KIAA0825: variants seen among roughly 807,000 people sequenced by gnomAD.
KIAA0825 encodes uncharacterized protein KIAA0825.
In KIAA0825, 119 loss-of-function variants were observed where a neutral mutation model predicts 147.6. The observed-to-expected ratio is 0.81, with a 90% CI of 0.69 to 0.94. The LOEUF (loss-of-function observed/expected upper bound fraction) is 0.94. Ranked by LOEUF, KIAA0825 falls within the 40% of genes least tolerant of loss-of-function variation. The pLI, the probability that KIAA0825 is intolerant of heterozygous loss-of-function variation, is 0.00. For synonymous variants in KIAA0825, 470 were observed against 518.1 expected (o/e 0.91, Z 1.26); for missense variants, 1,381 against 1,472.7 (o/e 0.94, Z 1.02).
chr5:94,178,911 C>T (rs971224057), intron 20 of KIAA0825, among the ~76,000 whole-genome samples: 11 of 151,942 alleles, frequency 7.2e-5, no homozygotes, highest in African/African-American at 4.8e-5. Flanking sequence ...ATCCAGATAT[C>T]CTTAAGTGAT....
intron 14 of KIAA0825, among the ~76,000 whole-genome samples, chr5:94,431,030 T>A (rs1755595052): frequency 6.6e-6 from 1 of 152,176 alleles, no homozygotes; most frequent in Admixed American, 6.5e-5. Context: ...TTTAAATGTA[T>A]GCTTACGTGG....
chr5:94,540,752 C>T (rs1773127980), intron 2 of KIAA0825, among the ~76,000 whole-genome samples: 1 of 152,064 alleles, frequency 6.6e-6, no homozygotes, highest in African/African-American at 2.4e-5. Flanking sequence ...AAAATGTAAA[C>T]ATTGGGTCTA....
intron 14 of KIAA0825, among the ~76,000 whole-genome samples, chr5:94,423,139 C>T (rs533342373): frequency 1.3e-5 from 2 of 152,204 alleles, no homozygotes; most frequent in East Asian, 1.9e-4. Flanking sequence ...CTATAGTTTT[C>T]GGCTCTTTTG....
chr5:94,526,097 C>T (rs1418903269), intron 3 of KIAA0825, among the ~76,000 whole-genome samples: 3 of 152,080 alleles, frequency 2.0e-5, no homozygotes, highest in East Asian at 3.9e-4. Context: ...CTAGATATTT[C>T]TTGTCCAATT....
intron 17 of KIAA0825, 132 bp downstream of exon 17, chr5:94,395,969 T>C (rs1356195077): frequency 3.9e-6 from 3 of 769,340 alleles, no homozygotes; most frequent in East Asian, 6.0e-5. Flanking sequence ...TCTTTTTTTA[T>C]ATTCATCAAA....
chr5:94,273,681 G>A (rs536336580), intron 20 of KIAA0825, among the ~76,000 whole-genome samples: 26 of 152,176 alleles, frequency 1.7e-4, no homozygotes, highest in Admixed American at 1.4e-3. Flanking sequence ...AAAGGTGATT[G>A]GGGTTTAAAT....
intron 13 of KIAA0825, among the ~76,000 whole-genome samples, 186 bp downstream of exon 13, chr5:94,452,773 G>C (rs1484350859): frequency 6.6e-6 from 1 of 152,232 alleles, no homozygotes; most frequent in Middle Eastern, 3.4e-3. Flanking sequence ...ATAATTATGA[G>C]GCCCATGCCT....
At chr5:94,583,615 C>G (rs1782666924) in intron 1 of KIAA0825, among the ~76,000 whole-genome samples, 1 of 152,198 alleles carries the variant, frequency 6.6e-6, no homozygotes, top group African/African-American at 2.4e-5. Flanking sequence ...GAACAAAAGA[C>G]AGCAGACAGC....
intron 20 of KIAA0825, among the ~76,000 whole-genome samples, chr5:94,364,064 G>A (rs1403448402): frequency 1.3e-5 from 2 of 151,864 alleles, no homozygotes; most frequent in Non-Finnish European, 2.9e-5. Context: ...GGAAAAGCAC[G>A]AGATCCTTGC....
intron 20 of KIAA0825, among the ~76,000 whole-genome samples, chr5:94,318,192 C>G (rs1779828470): frequency 6.6e-6 from 1 of 151,490 alleles, no homozygotes; most frequent in African/African-American, 2.4e-5. Flanking sequence ...TGTAAAATGT[C>G]TAGTTTGCAC....
chr5:94,494,551 G>A (rs1764135259), intron 5 of KIAA0825, among the ~76,000 whole-genome samples: 1 of 152,010 alleles, frequency 6.6e-6, no homozygotes, highest in Admixed American at 6.6e-5. Flanking sequence ...TAGATATGCT[G>A]ACACTTTGAG....
chr5:94,399,533 CATTCT>C (rs377322401), intron 16 of KIAA0825, among the ~76,000 whole-genome samples: 51 of 152,196 alleles, frequency 3.4e-4, no homozygotes, highest in African/African-American at 1.1e-3. Context: ...TTAATAAATC[CATTCT>C]ACCAATCTCA....
chr5:94,499,584 CT>C (rs1366337917), intron 5 of KIAA0825, among the ~76,000 whole-genome samples: 9 of 22,216 alleles, frequency 4.1e-4, no homozygotes, highest in Non-Finnish European at 7.3e-4. Context: ...ATTTCCCAAT[CT>C]GGGGGGGGGG....
chr5:94,483,081 T>C (rs547513575), intron 6 of KIAA0825, among the ~76,000 whole-genome samples: 4 of 152,106 alleles, frequency 2.6e-5, no homozygotes. Flanking sequence ...CTTAATCTAA[T>C]GGAATTGAAT....
At chr5:94,173,178 G>A (rs147638165) in intron 20 of KIAA0825, among the ~76,000 whole-genome samples, 2 of 146,562 alleles carry the variant, frequency 1.4e-5, no homozygotes, top group African/African-American at 5.5e-5. Context: ...AAACTAGGGA[G>A]TGAGAAAAGA....
intron 20 of KIAA0825, among the ~76,000 whole-genome samples, chr5:94,263,765 G>A (rs1425154161): frequency 6.6e-6 from 1 of 151,716 alleles, no homozygotes; most frequent in African/African-American, 2.4e-5. Flanking sequence ...AGAGATTCTA[G>A]TCCTCAGCAT....
intron 20 of KIAA0825, among the ~76,000 whole-genome samples, chr5:94,188,953 C>T (rs906187791): frequency 6.6e-6 from 1 of 152,174 alleles, no homozygotes; most frequent in Non-Finnish European, 1.5e-5. Context: ...AGTCTTTTAA[C>T]TTTTAGCCAT....
intron 20 of KIAA0825, among the ~76,000 whole-genome samples, chr5:94,351,409 A>G (rs924276275): frequency 6.6e-6 from 1 of 152,216 alleles, no homozygotes; most frequent in African/African-American, 2.4e-5. Flanking sequence ...TACAAGGAAA[A>G]CTACGAAACA....
rs181415110 is a variant in KIAA0825, at chr5:94,490,373, T to C, written c.971-5443A>G. ...TTAAAACAATAAATAATTACAGATG[T>C]TTTTAAGTTCATAAATAAATATTTA... On this transcript the variant is annotated intron_variant, in intron 5 of 20. Coordinates refer to ENST00000682413, the MANE Select transcript of KIAA0825 (RefSeq NM_001145678.3). Among the ~76,000 whole-genome samples the C allele has an allele frequency of 4.4e-4, 67 of 152,240 alleles. No individual in the cohort carries two copies. In the East Asian group the frequency reaches 0.012, roughly 27 times the overall value.
Sources: allele counts gnomAD v4.1 joint callset (sites outside exome capture counted in the v4.1 genomes callset), GRCh38; gene constraint gnomAD v4.1.1; transcripts MANE v1.5; gene names NCBI Gene and HGNC (gene_info 2026-07-23, HGNC 2026-07-21).